PCDHA7: variants seen among roughly 807,000 people sequenced by gnomAD.
The protein encoded by PCDHA7 is protocadherin alpha 7, also known as protocadherin alpha-7.
Under a neutral mutation model 57.2 loss-of-function variants are expected in PCDHA7, and 37 were observed. The observed-to-expected ratio is 0.65, with a 90% CI of 0.50 to 0.85. The LOEUF is 0.85. Ranked by LOEUF, PCDHA7 falls within the 40% of genes least tolerant of loss-of-function variation. The pLI is 0.00. For synonymous variants in PCDHA7, 553 were observed against 558.8 expected (o/e 0.99, Z 0.15); for missense variants, 1,188 against 1,241.8 (o/e 0.96, Z 0.65).
intron 1 of PCDHA7, among the ~76,000 whole-genome samples, chr5:140,937,783 G>A (rs1554211789): frequency 6.7e-6 from 1 of 150,256 alleles, no homozygotes; most frequent in African/African-American, 2.5e-5. Context: ...GTGGTGGCGG[G>A]CGTATGTAGT....
At chr5:140,913,348 C>A (rs1233529642) in intron 1 of PCDHA7, among the ~76,000 whole-genome samples, 1 of 152,080 alleles carries the variant, frequency 6.6e-6, no homozygotes, top group East Asian at 1.9e-4. Context: ...TCCATTTCCT[C>A]TAGATTTTTA....
chr5:140,945,998 A>G (rs246057), intron 1 of PCDHA7, among the ~76,000 whole-genome samples: 85,388 of 151,608 alleles, frequency 0.56, 24,621 homozygotes, highest in African/African-American at 0.69. Context: ...GATTGCATCA[A>G]ACTAAAAAGC....
In PCDHA7 at chr5:140,868,951, A is replaced by G; in HGVS notation, c.2355+32213A>G. On this transcript the variant is annotated intron_variant, in intron 1 of 3. Transcript: ENST00000525929. ...TAAAGGTTGGTCTGAACAGTGAGGC[A>G]CTCCCATACAAAGGAACTCCATCAT... 4.5e-6 allele frequency: 6 copies of G among 1,321,586 alleles called. No individual in the cohort carries two copies. The South Asian group carries it at 7.6e-5, about 17-fold the overall frequency. The allele number at this position is 1,321,586 out of a possible 1,614,324, so 81.9% of individuals were successfully genotyped here. A position where few individuals can be genotyped will look rare whatever the true frequency, so the allele number is the denominator to read the frequency against.
At chr5:140,870,339 G>C in intron 1 of PCDHA7, 1 of 1,614,182 alleles carries the variant, frequency 6.2e-7, no homozygotes, top group Non-Finnish European at 8.5e-7. Flanking sequence ...ACAGCGCCCT[G>C]GACCGCGAGA....
In PCDHA7 at chr5:140,981,033, G is replaced by GA. The variant is rs148859655; in HGVS notation, c.2415-1434dup. ...CACTTGAAGGCTGTTAATATTTGGG[G>GA]AAAAAAAACAGATAATTCTAGAGTG... On this transcript the variant is annotated intron_variant, in intron 2 of 3. Transcript: ENST00000525929. 8.2e-3 allele frequency among the ~76,000 whole-genome samples: 1,241 copies of GA among 151,610 alleles called. 19 individuals are homozygous for GA. Among genetic ancestry groups the GA allele is most frequent in the African/African-American group, 0.027 (1,115 of 41,338 alleles).
Position 140,949,482 on chromosome 5 carries a change from A to G in PCDHA7, c.2356-29467A>G, listed in dbSNP as rs1435722195. Among the ~76,000 whole-genome samples, 4 of 151,834 alleles carry G rather than the reference A, an allele frequency of 2.6e-5. No homozygotes were observed. The South Asian group carries it at 8.3e-4, about 31-fold the overall frequency. ...TGAAGCCCTGTTATTAGGCACACACATTGATGATTATTATAATTTCCTGAT... is the reference window on the plus strand; with the variant it reads ...TGAAGCCCTGTTATTAGGCACACACGTTGATGATTATTATAATTTCCTGAT... On this transcript the variant is annotated intron_variant, in intron 1 of 3. Transcript: ENST00000525929.
At chr5:140,880,514 T>A (rs2058367516) in intron 1 of PCDHA7, among the ~76,000 whole-genome samples, 1 of 152,198 alleles carries the variant, frequency 6.6e-6, no homozygotes, top group African/African-American at 2.4e-5. Context: ...TTTGGTCACA[T>A]CTCTCAATGT....
At position 140,877,641 on chromosome 5, in the gene PCDHA7, C is replaced by G. The variant is rs548787462; in HGVS notation, c.2355+40903C>G. ...TGCTGCTGTACACTGCGCTGCGTTG[C>G]TCAGCGCCGCCCACCGTGAGCCGGT... On this transcript the variant is annotated intron_variant, in intron 1 of 3. Transcript: ENST00000525929. 6.2e-6 allele frequency: 10 copies of G among 1,613,592 alleles called. 1 individual carries two copies. In the South Asian group the frequency reaches 9.9e-5, roughly 16 times the overall value.
chr5:140,891,427 C>T (rs1465861457), intron 1 of PCDHA7, among the ~76,000 whole-genome samples: 2 of 149,500 alleles, frequency 1.3e-5, no homozygotes, highest in African/African-American at 4.9e-5. Flanking sequence ...CCCCCAAGTC[C>T]CCAACGTCCA....
chr5:140,926,420 T>G, intron 1 of PCDHA7: 1 of 152,792 alleles, frequency 6.5e-6, no homozygotes, highest in Non-Finnish European at 1.5e-5. Context: ...GGGCAGAGGA[T>G]GTGGAGGTTA....
In PCDHA7 at chr5:140,837,841, C is replaced by T. The variant is rs148049265; in HGVS notation, c.2355+1103C>T. On this transcript the variant is annotated intron_variant, in intron 1 of 3. Coordinates refer to ENST00000525929, the MANE Select transcript of PCDHA7 (RefSeq NM_018910.3). ...ACAGTTTGCATGTCATTGTGCCTGGCTAATTTTATTTTATTTTTGTAGAGA... is the reference window on the plus strand; with the variant it reads ...ACAGTTTGCATGTCATTGTGCCTGGTTAATTTTATTTTATTTTTGTAGAGA... Among the ~76,000 whole-genome samples, 417 of 151,502 alleles carry T rather than the reference C, an allele frequency of 2.8e-3. 6 individuals carry two copies. The highest frequency in any genetic ancestry group is 9.7e-3 in the African/African-American group (400 of 41,204).
At chr5:140,872,610 T>C (rs1270918795) in intron 1 of PCDHA7, among the ~76,000 whole-genome samples, 2 of 152,146 alleles carry the variant, frequency 1.3e-5, no homozygotes, top group Non-Finnish European at 2.9e-5. Context: ...AAAATAATTT[T>C]TTTTGCCTGT....
rs190183922 is a variant in PCDHA7, at chr5:140,912,839, T to C, written c.2356-66110T>C. ...AGGGATTTTGAATTTTATTAAATGC[T>C]TTTTCAGCATCAATTGAAATGATAT... On this transcript the variant is annotated intron_variant, in intron 1 of 3. Coordinates refer to ENST00000525929, the MANE Select transcript of PCDHA7 (RefSeq NM_018910.3). Among the ~76,000 whole-genome samples the C allele has an allele frequency of 6.6e-5, 10 of 152,356 alleles. No individual in the cohort carries two copies. In the East Asian group the frequency reaches 1.9e-3, roughly 29 times the overall value.
chr5:140,892,212 T>C (rs1554185117), intron 1 of PCDHA7, among the ~76,000 whole-genome samples: 5 of 152,236 alleles, frequency 3.3e-5, no homozygotes, highest in Admixed American at 2.6e-4. Context: ...TTTAAAATTG[T>C]ATCTTTATGG....
chr5:140,851,840 T>G, intron 1 of PCDHA7: 1 of 970,530 alleles, frequency 1.0e-6, no homozygotes, highest in South Asian at 4.8e-5. Context: ...TAAAAATATC[T>G]TTTTCTCCTC....
chr5:140,868,742 T>A (rs2050624283), intron 1 of PCDHA7: 2 of 208,154 alleles, frequency 9.6e-6, no homozygotes, highest in Non-Finnish European at 9.7e-6. Flanking sequence ...AGAAATACAA[T>A]GCCATTTCCA....
At chr5:140,869,878 A>G in intron 1 of PCDHA7, 1 of 1,610,122 alleles carries the variant, frequency 6.2e-7, no homozygotes, top group Non-Finnish European at 8.5e-7. Flanking sequence ...TGCTAAAGAA[A>G]CTCTTGTGCT....
At chr5:140,848,198 C>T (rs2150407095) in intron 1 of PCDHA7, 8 of 311,274 alleles carry the variant, frequency 2.6e-5, no homozygotes, top group African/African-American at 1.7e-4. Flanking sequence ...TCTGTTTCAA[C>T]AATCATTACT....
At chr5:140,990,284 T>C (rs2097384646) in intron 3 of PCDHA7, among the ~76,000 whole-genome samples, 1 of 152,142 alleles carries the variant, frequency 6.6e-6, no homozygotes, top group African/African-American at 2.4e-5. Flanking sequence ...GGTCTTGAGA[T>C]TATCGATGCC....
Sources: allele counts gnomAD v4.1 joint callset (sites outside exome capture counted in the v4.1 genomes callset), GRCh38; gene constraint gnomAD v4.1.1; transcripts MANE v1.5; gene names NCBI Gene and HGNC (gene_info 2026-07-23, HGNC 2026-07-21).